Variants in GPC5 observed in about 807,000 individuals in gnomAD.
The protein encoded by GPC5 is glypican 5.
A neutral mutation model predicts 53.9 loss-of-function variants in GPC5; 47 were observed. That is an observed-to-expected ratio of 0.87 (90% confidence interval 0.69 to 1.11). The LOEUF (loss-of-function observed/expected upper bound fraction) is 1.11. GPC5 is among the 50% of genes most tolerant of loss of function. The pLI is 0.00. For missense variants in GPC5, 748 were observed against 713.1 expected (o/e 1.05, Z -0.56); for synonymous variants, 286 against 263.3 (o/e 1.09, Z -0.84).
At chr13:92,298,202 C>T (rs749052837) in intron 7 of GPC5, among the ~76,000 whole-genome samples, 1 of 152,136 alleles carries the variant, frequency 6.6e-6, no homozygotes, top group African/African-American at 2.4e-5. Context: ...AGTCTGTTTC[C>T]AGGCAGTGGG....
chr13:92,765,197 T>C (rs535098097), intron 7 of GPC5, among the ~76,000 whole-genome samples: 1 of 152,304 alleles, frequency 6.6e-6, no homozygotes, highest in East Asian at 1.9e-4. Flanking sequence ...ACTGCATAGG[T>C]ATTTTCCCCA....
At chr13:91,855,030 C>T (rs143766067) in intron 5 of GPC5, among the ~76,000 whole-genome samples, 89 of 151,618 alleles carry the variant, frequency 5.9e-4, no homozygotes, top group African/African-American at 2.1e-3. Context: ...TTGCATATAC[C>T]AATTGATGGT....
chr13:92,800,402 G>A (rs576004663), intron 7 of GPC5, among the ~76,000 whole-genome samples: 1 of 151,818 alleles, frequency 6.6e-6, no homozygotes, highest in Admixed American at 6.6e-5. Context: ...TAACTACACT[G>A]CATTTAAGAT....
At chr13:92,255,788 G>A (rs1265878003) in intron 7 of GPC5, among the ~76,000 whole-genome samples, 1 of 151,984 alleles carries the variant, frequency 6.6e-6, no homozygotes, top group Non-Finnish European at 1.5e-5. Flanking sequence ...GTTGCTTTCA[G>A]TTTTGTCATT....
At chr13:91,973,085 C>A (rs2040259881) in intron 6 of GPC5, among the ~76,000 whole-genome samples, 1 of 152,276 alleles carries the variant, frequency 6.6e-6, no homozygotes, top group East Asian at 1.9e-4. Flanking sequence ...TCCATTCTCC[C>A]CGTCACTTTC....
intron 6 of GPC5, among the ~76,000 whole-genome samples, chr13:91,979,136 G>C (rs1226270572): frequency 6.6e-6 from 1 of 152,110 alleles, no homozygotes; most frequent in African/African-American, 2.4e-5. Flanking sequence ...CATCCAAGCA[G>C]AGATACCAAA....
At chr13:92,248,223 T>C (rs938672262) in intron 7 of GPC5, among the ~76,000 whole-genome samples, 16 of 151,912 alleles carry the variant, frequency 1.1e-4, no homozygotes, top group African/African-American at 3.9e-4. Flanking sequence ...AAACAGATTT[T>C]TAGCCCCATA....
intron 6 of GPC5, among the ~76,000 whole-genome samples, chr13:92,051,362 C>CA (rs1490929330): frequency 6.6e-6 from 1 of 151,910 alleles, no homozygotes; most frequent in African/African-American, 2.4e-5. Flanking sequence ...CCACCACGCC[C>CA]AGCTAATTTT....
intron 6 of GPC5, among the ~76,000 whole-genome samples, chr13:92,010,413 G>A (rs991729889): frequency 6.6e-5 from 10 of 152,182 alleles, no homozygotes; most frequent in South Asian, 2.1e-4. Context: ...AATGAATATC[G>A]CAATAAGAGT....
At chr13:91,535,222 A>C (rs1221731284) in intron 2 of GPC5, among the ~76,000 whole-genome samples, 1 of 152,166 alleles carries the variant, frequency 6.6e-6, no homozygotes, top group Non-Finnish European at 1.5e-5. Context: ...CTCAGTTAAG[A>C]CATCACCCTT....
At chr13:92,782,150 G>A (rs1048841429) in intron 7 of GPC5, among the ~76,000 whole-genome samples, 2 of 151,642 alleles carry the variant, frequency 1.3e-5, no homozygotes, top group Admixed American at 1.3e-4. Flanking sequence ...GAGGCAAGGA[G>A]GGAAAGGAAG....
chr13:92,328,783 A>G (rs1195124027), intron 7 of GPC5, among the ~76,000 whole-genome samples: 1 of 152,078 alleles, frequency 6.6e-6, no homozygotes, highest in Non-Finnish European at 1.5e-5. Context: ...CCTATTTCAA[A>G]TTTTCTGGTC....
chr13:92,338,936 C>A (rs1466223853), intron 7 of GPC5, among the ~76,000 whole-genome samples: 1 of 151,908 alleles, frequency 6.6e-6, no homozygotes, highest in Non-Finnish European at 1.5e-5. Context: ...TTAAAAGTAG[C>A]ACTTAGTGTG....
At chr13:92,756,817 C>T (rs1337612783) in intron 7 of GPC5, among the ~76,000 whole-genome samples, 1 of 150,138 alleles carries the variant, frequency 6.7e-6, no homozygotes, top group Admixed American at 6.7e-5. Flanking sequence ...AATCACTGCT[C>T]AAGGAAATAA....
chr13:92,284,075 A>C, intron 7 of GPC5, among the ~76,000 whole-genome samples: 1 of 152,242 alleles, frequency 6.6e-6, no homozygotes, highest in East Asian at 1.9e-4. Context: ...GATCCCACAG[A>C]AATACAAACT....
At chr13:92,265,928 A>G (rs2042799596) in intron 7 of GPC5, among the ~76,000 whole-genome samples, 1 of 152,186 alleles carries the variant, frequency 6.6e-6, no homozygotes, top group Admixed American at 6.6e-5. Flanking sequence ...ATCATCCCCA[A>G]AGGTGAAGGT....
chr13:92,742,299 T>A (rs1889121463), intron 7 of GPC5, among the ~76,000 whole-genome samples: 1 of 151,980 alleles, frequency 6.6e-6, no homozygotes, highest in Non-Finnish European at 1.5e-5. Flanking sequence ...AGATGGTATC[T>A]CATTGTGGTT....
chr13:92,019,966 T>G lies in GPC5; in HGVS notation c.1401+111909T>G, dbSNP rs537023320. Reference sequence around the variant, plus strand: ...AGATTGGAAGTTTGATATGAGTATCTCTGAGCTAAAATCAAGTTATTGGTA... The same window carrying G: ...AGATTGGAAGTTTGATATGAGTATCGCTGAGCTAAAATCAAGTTATTGGTA... On this transcript the variant is annotated intron_variant, in intron 6 of 7. Transcript: ENST00000377067. Among the ~76,000 whole-genome samples, 9 of 152,206 alleles carry G rather than the reference T, an allele frequency of 5.9e-5. No individual in the cohort carries two copies. In the East Asian group the frequency reaches 1.7e-3, roughly 29 times the overall value.
chr13:92,353,121 G>A (rs1046952806), intron 7 of GPC5, among the ~76,000 whole-genome samples: 3 of 151,320 alleles, frequency 2.0e-5, no homozygotes, highest in Admixed American at 2.0e-4. Context: ...TTAGCCAGGC[G>A]CGGTGGCGGG....
Sources: gnomAD v4.1 joint callset for allele counts (sites outside exome capture counted in the v4.1 genomes callset) on GRCh38, gnomAD v4.1.1 for gene constraint, MANE v1.5 for transcripts, NCBI Gene and HGNC (gene_info 2026-07-23, HGNC 2026-07-21) for gene names.